GOLGA1: variants seen among roughly 807,000 people sequenced by gnomAD.
The protein encoded by GOLGA1 is golgin subfamily A member 1.
A neutral mutation model predicts 119.7 loss-of-function variants in GOLGA1; 63 were observed. The observed-to-expected ratio is 0.53, with a 90% CI of 0.43 to 0.65. The LOEUF is 0.65. Among genes scored for constraint, GOLGA1 ranks in the 30% least tolerant of loss-of-function variants. The pLI, the probability that GOLGA1 is intolerant of heterozygous loss-of-function variation, is 0.00. For synonymous variants in GOLGA1, 318 were observed against 333.4 expected (o/e 0.95, Z 0.50); for missense variants, 798 against 912.8 (o/e 0.87, Z 1.62).
chr9:124,888,439 G>C lies in GOLGA1; in HGVS notation c.1762-43C>G. On this transcript the variant is annotated intron_variant, in intron 18 of 22. Coordinates refer to ENST00000373555, the MANE Select transcript of GOLGA1 (RefSeq NM_002077.4). The surrounding 1 kb of genome is among the most constrained non-coding windows in gnomAD (Gnocchi z 4.4). ...CAAATTGAGAGCCAGGACAGGTCAG[G>C]TGAAGCTGAGCCACAGGTACACAGG... is the stretch of plus-strand genomic sequence containing the variant. The C allele has an allele frequency of 6.3e-7, 1 of 1,596,678 alleles. No individual in the cohort carries two copies. The highest frequency in any genetic ancestry group is 8.6e-7 in the Non-Finnish European group (1 of 1,164,978).
intron 14 of GOLGA1, among the ~76,000 whole-genome samples, 189 bp downstream of exon 14, chr9:124,899,140 C>T (rs1830043300): frequency 6.6e-6 from 1 of 152,100 alleles, no homozygotes; most frequent in South Asian, 2.1e-4. Flanking sequence ...AGGCTGCAGT[C>T]AGTTGTAATC....
chr9:124,880,229 G>A lies in GOLGA1; in HGVS notation c.*301C>T, dbSNP rs1324884855. ...GATGGCTTCAGCTGTAAGTGCTACC[G>A]TGAAGTTAGAGGATTCAGGTGCAGA... On this transcript the variant is annotated 3_prime_UTR_variant, in exon 23 of 23. Coordinates refer to ENST00000373555, the MANE Select transcript of GOLGA1 (RefSeq NM_002077.4). The A allele has an allele frequency of 3.2e-5, 8 of 249,494 alleles. No homozygotes were observed. Among genetic ancestry groups the A allele is most frequent in the South Asian group, 9.9e-5 (2 of 20,118 alleles). The allele number at this position is 249,494 out of a possible 1,614,324, so 15.5% of individuals were successfully genotyped here.
At position 124,882,510 on chromosome 9, in the gene GOLGA1, C is replaced by T; in HGVS notation, c.1965G>A (p.Leu655=). 1.2e-6 allele frequency: 2 copies of T among 1,609,874 alleles called. No homozygotes were observed. Among genetic ancestry groups the T allele is most frequent in the Non-Finnish European group, 1.7e-6 (2 of 1,177,306 alleles). Residue 655 remains leucine (L), a splice_region_variant and synonymous_variant, in exon 20 of 23, where the codon CTG becomes CTA. Transcript: ENST00000373555. ...GGCCAGCTCCCATGCGAGTACTCAC[C>T]AGCTCCTTCTGCAGAGTCTTCCGGA... The part of the protein sequence containing the change: ...LELRKTLQKE[L]KIRPDNELFE...
intron 10 of GOLGA1, among the ~76,000 whole-genome samples, chr9:124,914,756 A>C (rs1362971034): frequency 4.6e-5 from 7 of 152,382 alleles, no homozygotes; most frequent in Admixed American, 4.6e-4. Context: ...CGATAGATGA[A>C]GAATTTAAAT....
chr9:124,938,028 A>G (rs867107820), intron 3 of GOLGA1, among the ~76,000 whole-genome samples: 7 of 151,696 alleles, frequency 4.6e-5, no homozygotes, highest in Non-Finnish European at 8.8e-5. Context: ...GGTTGTGGTG[A>G]ACCAAGATCA....
Position 124,889,154 on chromosome 9 carries a change from T to C in GOLGA1, c.1750A>G (p.Asn584Asp), listed in dbSNP as rs138046277. The C allele has an allele frequency of 6.2e-7, 1 of 1,610,068 alleles. No individual in the cohort carries two copies. The highest frequency in any genetic ancestry group is 1.7e-5 in the Admixed American group (1 of 59,816). Reference protein sequence around the residue: ...GPLQAEALSVNESHVTSRAMQ... With the variant: ...GPLQAEALSVDESHVTSRAMQ... Reference sequence around the variant, plus strand: ...CAGCTGGGACTTACGTGCGACTCATTGACTGAGAGTGCTTCGGCCTGCAAT... The same window carrying C: ...CAGCTGGGACTTACGTGCGACTCATCGACTGAGAGTGCTTCGGCCTGCAAT... The change falls in exon 18 of 23, where the codon AAT becomes GAT. Residue 584 changes from asparagine (N) to aspartate (D), a missense_variant. Transcript: ENST00000373555.
intron 2 of GOLGA1, among the ~76,000 whole-genome samples, chr9:124,939,303 G>A (rs1380408500): frequency 1.3e-5 from 2 of 152,142 alleles, no homozygotes; most frequent in East Asian, 3.8e-4. Context: ...AGACAAAAAT[G>A]CATGTAATTC....
chr9:124,925,835 A>G (rs1285613580), intron 7 of GOLGA1, among the ~76,000 whole-genome samples: 2 of 152,236 alleles, frequency 1.3e-5, no homozygotes, highest in African/African-American at 4.8e-5. Context: ...TAAAACTAAA[A>G]TGTTTTTCCA....
chr9:124,936,717 T>C (rs561456972), intron 3 of GOLGA1, among the ~76,000 whole-genome samples: 12 of 152,348 alleles, frequency 7.9e-5, no homozygotes, highest in East Asian at 5.8e-4. Context: ...TCCCAAAGCA[T>C]TGGGATTACA....
intron 3 of GOLGA1, among the ~76,000 whole-genome samples, chr9:124,937,769 A>G (rs1830906002): frequency 6.6e-6 from 1 of 152,184 alleles, no homozygotes; most frequent in South Asian, 2.1e-4. Flanking sequence ...TTATAGTCAC[A>G]AATGTATTTT....
chr9:124,940,257 CA>C (rs1307679788), intron 1 of GOLGA1, 102 bp from the exon 2 acceptor site: 1 of 151,660 alleles, frequency 6.6e-6, no homozygotes, highest in African/African-American at 2.4e-5. Flanking sequence ...AGAGGAGGGG[CA>C]GAAGAAGGAT....
chr9:124,920,704 G>A (rs1034367764), intron 10 of GOLGA1, among the ~76,000 whole-genome samples: 1 of 152,042 alleles, frequency 6.6e-6, no homozygotes, highest in African/African-American at 2.4e-5. Flanking sequence ...GGGAGGCCGA[G>A]GTTGGTGGAT....
chr9:124,941,701 G>A (rs1200615327), upstream of GOLGA1, among the ~76,000 whole-genome samples: 1 of 152,202 alleles, frequency 6.6e-6, no homozygotes, highest in East Asian at 1.9e-4. Flanking sequence ...ACTATGTAAT[G>A]CACTTAAAAA....
rs1831148936 is a variant in GOLGA1 at position 124,946,669 on chromosome 9, T to C, written c.-156+1249A>G. The C allele has an allele frequency of 6.6e-6, 1 of 152,218 alleles. No homozygotes were observed. The highest frequency in any genetic ancestry group is 2.1e-4 in the South Asian group (1 of 4,830). 9.4% of individuals were successfully genotyped at this position (152,218 alleles called of 1,614,324 possible). A position where few individuals can be genotyped will look rare whatever the true frequency, so the allele number is the denominator to read the frequency against. ...ACAAATTGGCATTGCACGTATTTAC[T>C]ATCCTCTTATCCTCCCCAACCCTAT... On this transcript the variant is annotated intron_variant, in intron 1 of 4. Transcript: ENST00000421514. This position sits in a 1 kb window ranked among gnomAD's most constrained non-coding sequence, Gnocchi z 4.0.
intron 12 of GOLGA1, among the ~76,000 whole-genome samples, chr9:124,905,891 G>A (rs182785672): frequency 7.5e-4 from 113 of 151,484 alleles, no homozygotes; most frequent in African/African-American, 2.1e-3. Flanking sequence ...TTGGGAGGCC[G>A]AGGCTGAGGT....
chr9:124,906,645 G>A (rs767170195), intron 12 of GOLGA1, among the ~76,000 whole-genome samples: 17 of 151,970 alleles, frequency 1.1e-4, no homozygotes, highest in African/African-American at 3.4e-4. Context: ...CCAGCTACTC[G>A]GCAGGCTGAA....
At chr9:124,913,704 C>G (rs1377206226) in intron 10 of GOLGA1, among the ~76,000 whole-genome samples, 3 of 152,208 alleles carry the variant, frequency 2.0e-5, no homozygotes, top group Admixed American at 2.0e-4. Flanking sequence ...AGGATACAAT[C>G]AACATTAATT....
At chr9:124,936,867 C>T (rs1830880368) in intron 3 of GOLGA1, among the ~76,000 whole-genome samples, 1 of 152,096 alleles carries the variant, frequency 6.6e-6, no homozygotes, top group Non-Finnish European at 1.5e-5. Flanking sequence ...CTACAGTGTG[C>T]AACTTTTATA....
chr9:124,928,242 G>A lies in GOLGA1; in HGVS notation c.345C>T (p.Ala115=), dbSNP rs1305019443. ...GTCCTTCTGCCATTTTGGCTCTGTT[G>A]GCTTGGAATGTCTCATTCTGCTCTT... ...KFQEQNETFQ[A]NRAKMAEGLA... is the part of the protein sequence containing the mutation. The change falls in exon 6 of 23, where the codon GCC becomes GCT. Residue 115 remains alanine (A), a synonymous_variant. Transcript: ENST00000373555. The A allele has an allele frequency of 6.2e-7, 1 of 1,608,268 alleles. No homozygotes were observed.
Sources: allele counts gnomAD v4.1 joint callset (sites outside exome capture counted in the v4.1 genomes callset), GRCh38; gene constraint gnomAD v4.1.1; non-coding constraint Gnocchi (gnomAD v3.1); transcripts MANE v1.5; gene names NCBI Gene and HGNC (gene_info 2026-07-23, HGNC 2026-07-21).